Variants in CAMTA1 observed in about 807,000 individuals in gnomAD.
The protein encoded by CAMTA1 is calmodulin binding transcription activator 1, also known as calmodulin-binding transcription activator 1.
In CAMTA1, 27 loss-of-function variants were observed where a neutral mutation model predicts 170.9. The observed-to-expected ratio is 0.16, with a 90% CI of 0.12 to 0.22. The LOEUF (loss-of-function observed/expected upper bound fraction) is 0.22, where lower values mean the gene tolerates loss of function less well. Ranked by LOEUF, CAMTA1 falls within the 10% of genes least tolerant of loss-of-function variation. The pLI, the probability that CAMTA1 is intolerant of heterozygous loss-of-function variation, is 1.00. For synonymous variants in CAMTA1, 833 were observed against 891.5 expected, an observed-to-expected ratio of 0.93 and a Z score of 1.17; for missense variants, 1,619 against 2,217.2, an observed-to-expected ratio of 0.73 and a Z score of 5.42.
chr1:7,588,769 C>T lies in CAMTA1; in HGVS notation c.511-51631C>T, dbSNP rs1388604235. 6.6e-6 allele frequency among the ~76,000 whole-genome samples: 1 copy of T among 152,202 alleles called. No homozygotes were observed. The highest frequency in any genetic ancestry group is 1.5e-5 in the Non-Finnish European group (1 of 68,038). On this transcript the variant is annotated intron_variant, in intron 6 of 22. Coordinates refer to ENST00000303635, the MANE Select transcript of CAMTA1 (RefSeq NM_015215.4). This position sits in a 1 kb window ranked among gnomAD's most constrained non-coding sequence, Gnocchi z 5.8. ...CCAACAGCTCCAGGCAGGAGATTCA[C>T]CCAAAGGGAAGTGACGGGGCAATTT...
intron 4 of CAMTA1, among the ~76,000 whole-genome samples, chr1:7,180,510 A>AAT (rs1248310817): frequency 1.4e-5 from 1 of 72,058 alleles, no homozygotes; most frequent in Non-Finnish European, 2.8e-5. Flanking sequence ...ATGTCACTAG[A>AAT]CTTTTTTTTT....
chr1:7,386,601 A>C (rs1368554319), intron 5 of CAMTA1, among the ~76,000 whole-genome samples: 1 of 151,916 alleles, frequency 6.6e-6, no homozygotes, highest in Non-Finnish European at 1.5e-5. Flanking sequence ...CCTTCCTCCT[A>C]AGAAGGCCGT....
At chr1:7,185,573 T>C (rs1053444792) in intron 4 of CAMTA1, among the ~76,000 whole-genome samples, 1 of 152,210 alleles carries the variant, frequency 6.6e-6, no homozygotes, top group East Asian at 1.9e-4. Context: ...CCCACAAAGT[T>C]CTTACTAATT....
chr1:7,390,105 C>T (rs535578336), intron 5 of CAMTA1, among the ~76,000 whole-genome samples: 9 of 152,304 alleles, frequency 5.9e-5, no homozygotes, highest in Admixed American at 2.6e-4. Context: ...GCCCGGGCGA[C>T]GGCGCAGGGC....
chr1:6,791,707 T>C (rs1387958500), intron 1 of CAMTA1, among the ~76,000 whole-genome samples: 1 of 152,244 alleles, frequency 6.6e-6, no homozygotes, highest in Non-Finnish European at 1.5e-5. Flanking sequence ...TCTGTGTAAC[T>C]TGAATAAGAG....
At chr1:7,713,346 T>C (rs533549440) in intron 11 of CAMTA1, among the ~76,000 whole-genome samples, 1 of 152,226 alleles carries the variant, frequency 6.6e-6, no homozygotes, top group South Asian at 2.1e-4. Context: ...TCGGAGACTG[T>C]CTATATCAAA....
rs1370123768 is a variant in CAMTA1, at chr1:7,768,025, G to C, written c.*1534G>C. ...TGCTAATACTGCTTAAGAAAATTAA[G>C]TTACTTTTGCAAAACAGATAATCAT... is the stretch of plus-strand genomic sequence containing the variant. On this transcript the variant is annotated 3_prime_UTR_variant, in exon 23 of 23. Coordinates refer to ENST00000303635, the MANE Select transcript of CAMTA1 (RefSeq NM_015215.4). 6.6e-6 allele frequency: 1 copy of C among 150,730 alleles called. No individual in the cohort carries two copies. The highest frequency in any genetic ancestry group is 1.5e-5 in the Non-Finnish European group (1 of 67,786). 9.3% of individuals were successfully genotyped at this position (150,730 alleles called of 1,614,324 possible).
intron 3 of CAMTA1, among the ~76,000 whole-genome samples, chr1:6,957,343 C>T (rs1689633186): frequency 6.6e-6 from 1 of 152,260 alleles, no homozygotes; most frequent in South Asian, 2.1e-4. Flanking sequence ...CTACCATAGA[C>T]TTGGTGGCTT....
chr1:6,910,035 T>C (rs1303440225), intron 3 of CAMTA1, among the ~76,000 whole-genome samples: 1 of 152,256 alleles, frequency 6.6e-6, no homozygotes, highest in African/African-American at 2.4e-5. Flanking sequence ...TCTCACAATG[T>C]GCCATTGTGG....
chr1:7,211,932 G>A (rs1206122413), intron 4 of CAMTA1, among the ~76,000 whole-genome samples: 1 of 152,050 alleles, frequency 6.6e-6, no homozygotes, highest in African/African-American at 2.4e-5. Flanking sequence ...AACATCACAG[G>A]GTTCCTCCTA....
chr1:6,983,583 A>T (rs2100221247), intron 3 of CAMTA1, among the ~76,000 whole-genome samples: 2 of 152,326 alleles, frequency 1.3e-5, no homozygotes, highest in East Asian at 3.9e-4. Flanking sequence ...TATCTTCTTC[A>T]CAAAGCTTCA....
At chr1:7,089,300 G>A (rs1641161992) in intron 3 of CAMTA1, among the ~76,000 whole-genome samples, 1 of 152,170 alleles carries the variant, frequency 6.6e-6, no homozygotes, top group Non-Finnish European at 1.5e-5. Context: ...GGCCGTGCTG[G>A]TACCCAAAGC....
At chr1:7,469,752 C>T (rs2093293956) in intron 6 of CAMTA1, among the ~76,000 whole-genome samples, 1 of 152,198 alleles carries the variant, frequency 6.6e-6, no homozygotes. Flanking sequence ...TTTTTAATTC[C>T]ACTAAATTTA....
chr1:7,316,138 C>G (rs1022123620), intron 5 of CAMTA1, among the ~76,000 whole-genome samples: 1 of 152,156 alleles, frequency 6.6e-6, no homozygotes, highest in Non-Finnish European at 1.5e-5. Flanking sequence ...GGGGAAACAA[C>G]CTGCGGTGAT....
intron 3 of CAMTA1, among the ~76,000 whole-genome samples, chr1:6,993,342 T>C (rs754680615): frequency 2.0e-5 from 3 of 152,212 alleles, no homozygotes; most frequent in Non-Finnish European, 4.4e-5. Flanking sequence ...ATAAAGGTGG[T>C]ATATCTCTTA....
At chr1:7,123,728 T>C (rs1215598548) in intron 4 of CAMTA1, among the ~76,000 whole-genome samples, 1 of 152,138 alleles carries the variant, frequency 6.6e-6, no homozygotes, top group Admixed American at 6.5e-5. Flanking sequence ...CCTTGACTTG[T>C]TTGGAGAGCC....
chr1:6,994,576 G>T (rs1402291688), intron 3 of CAMTA1, among the ~76,000 whole-genome samples: 1 of 151,998 alleles, frequency 6.6e-6, no homozygotes, highest in African/African-American at 2.4e-5. Flanking sequence ...TTTATTTCTG[G>T]CTCCCTTCAG....
intron 5 of CAMTA1, among the ~76,000 whole-genome samples, chr1:7,351,562 T>G (rs2084675825): frequency 6.6e-6 from 1 of 152,224 alleles, no homozygotes; most frequent in Non-Finnish European, 1.5e-5. Flanking sequence ...CACACAGGTC[T>G]TCGGCCAAGG....
intron 5 of CAMTA1, among the ~76,000 whole-genome samples, chr1:7,308,374 A>G (rs921623030): frequency 6.6e-5 from 10 of 150,528 alleles, no homozygotes; most frequent in East Asian, 3.9e-4. Flanking sequence ...TTATTTTACT[A>G]TCTCCTTTTG....
Sources: gnomAD v4.1 joint callset for allele counts (sites outside exome capture counted in the v4.1 genomes callset) on GRCh38, gnomAD v4.1.1 for gene constraint, Gnocchi (gnomAD v3.1) non-coding constraint, MANE v1.5 for transcripts, NCBI Gene and HGNC (gene_info 2026-07-23, HGNC 2026-07-21) for gene names.